The following TP63 variants were observed in gnomAD, a reference collection of about 807,000 sequenced individuals.
The protein encoded by TP63 is tumor protein p63.
Under a neutral mutation model 82.8 loss-of-function variants are expected in TP63, and 17 were observed. The ratio of observed to expected loss-of-function variants is 0.21; its 90% CI spans 0.14 to 0.31. The LOEUF is 0.31. Ranked by LOEUF, TP63 falls within the 10% of genes least tolerant of loss-of-function variation. TP63 has a pLI of 1.00. For synonymous variants in TP63, 330 were observed against 321.7 expected, an observed-to-expected ratio of 1.03 and a Z score of -0.28; for missense variants, 648 against 895.3, an observed-to-expected ratio of 0.72 and a Z score of 3.52.
intron 3 of TP63, among the ~76,000 whole-genome samples, chr3:189,749,990 G>C (rs62279907): frequency 6.6e-6 from 1 of 151,852 alleles, no homozygotes; most frequent in Non-Finnish European, 1.5e-5. Context: ...CAGGCATGGC[G>C]GCAGGCGCCT....
upstream of TP63, among the ~76,000 whole-genome samples, chr3:189,628,689 C>T (rs1729371214): frequency 6.6e-6 from 1 of 152,102 alleles, no homozygotes; most frequent in Non-Finnish European, 1.5e-5. Context: ...GGAAAAGTTT[C>T]CACCTTGCAC....
chr3:189,757,682 G>C (rs1157290174), intron 3 of TP63, among the ~76,000 whole-genome samples: 1 of 152,152 alleles, frequency 6.6e-6, no homozygotes, highest in African/African-American at 2.4e-5. Flanking sequence ...ATACACTAGT[G>C]TTATTGTAGG....
chr3:189,736,161 C>T (rs6804881), intron 1 of TP63, among the ~76,000 whole-genome samples: 6,619 of 147,314 alleles, frequency 0.045, 448 homozygotes, highest in East Asian at 0.15. Flanking sequence ...ATAAATATAT[C>T]TATATTATTT....
chr3:189,701,126 C>T (rs1293048497), intron 1 of TP63, among the ~76,000 whole-genome samples: 2 of 152,084 alleles, frequency 1.3e-5, no homozygotes, highest in Admixed American at 1.3e-4. Context: ...TGTGATGCCT[C>T]CCCAGCCACA....
At chr3:189,866,196 T>TCTCG (rs1324836754) in intron 5 of TP63, among the ~76,000 whole-genome samples, 1 of 152,222 alleles carries the variant, frequency 6.6e-6, no homozygotes, top group Non-Finnish European at 1.5e-5. Context: ...ACACAATGTT[T>TCTCG]AAAAGTTGAG....
chr3:189,653,425 A>G (rs900940787), intron 1 of TP63, among the ~76,000 whole-genome samples: 1 of 152,240 alleles, frequency 6.6e-6, no homozygotes, highest in Non-Finnish European at 1.5e-5. Flanking sequence ...TGACTTTGTC[A>G]ATCAGATCCA....
At position 189,894,746 on chromosome 3, in the gene TP63, A is replaced by T; in HGVS notation, c.*244A>T. 3.7e-6 allele frequency: 2 copies of T among 534,068 alleles called. No individual in the cohort carries two copies. The allele number at this position is 534,068 out of a possible 1,614,324, so 33.1% of individuals were successfully genotyped here. On this transcript the variant is annotated 3_prime_UTR_variant, in exon 14 of 14. Transcript: ENST00000264731. ...TAGCTGCCATGGCTAGGTAGAAGTG[A>T]GCAAAAAAGAGTTGGGTGTCTCCTT...
At chr3:189,875,611 T>TATATATATATATAAAC (rs1553859673) in intron 10 of TP63, among the ~76,000 whole-genome samples, 1 of 77,040 alleles carries the variant, frequency 1.3e-5, no homozygotes, top group Non-Finnish European at 2.8e-5. Context: ...TATATATATA[T>TATATATATATATAAAC]ATATATATAT....
intron 4 of TP63, among the ~76,000 whole-genome samples, chr3:189,815,288 C>A (rs1728058471): frequency 6.6e-6 from 1 of 151,992 alleles, no homozygotes; most frequent in African/African-American, 2.4e-5. Context: ...TTATCACAAC[C>A]TTTTCATGTA....
chr3:189,819,588 T>A (rs1728575221), intron 4 of TP63, among the ~76,000 whole-genome samples: 1 of 152,174 alleles, frequency 6.6e-6, no homozygotes, highest in African/African-American at 2.4e-5. Flanking sequence ...TTTGTTACCT[T>A]TAAGTTTAGC....
the TP63 span, among the ~76,000 whole-genome samples, chr3:189,619,284 G>T: frequency 1.3e-5 from 2 of 152,150 alleles, no homozygotes; most frequent in African/African-American, 4.8e-5. Flanking sequence ...ATGCCTCTGC[G>T]ATGTCTTTCA....
At chr3:189,668,722 G>A (rs902366148) in intron 1 of TP63, among the ~76,000 whole-genome samples, 5 of 152,008 alleles carry the variant, frequency 3.3e-5, no homozygotes, top group African/African-American at 1.2e-4. Flanking sequence ...ATTTAAAGAA[G>A]TAATAGCTGG....
At chr3:189,723,843 A>T (rs1047271959) in intron 1 of TP63, among the ~76,000 whole-genome samples, 1 of 152,182 alleles carries the variant, frequency 6.6e-6, no homozygotes, top group Non-Finnish European at 1.5e-5. Context: ...TTCTTTTTGT[A>T]TTGGAAGATA....
chr3:189,702,303 A>G (rs992263691), intron 1 of TP63, among the ~76,000 whole-genome samples: 1 of 152,236 alleles, frequency 6.6e-6, no homozygotes, highest in African/African-American at 2.4e-5. Context: ...CCAAAGGTTC[A>G]TTTGAAACTA....
intron 3 of TP63, among the ~76,000 whole-genome samples, chr3:189,777,577 G>A (rs544591714): frequency 2.0e-5 from 3 of 151,174 alleles, no homozygotes; most frequent in East Asian, 1.9e-4. Context: ...CCTAAATGTC[G>A]ATTTCCTCTT....
At chr3:189,700,941 G>A (rs560681765) in intron 1 of TP63, among the ~76,000 whole-genome samples, 13 of 152,276 alleles carry the variant, frequency 8.5e-5, no homozygotes, top group Middle Eastern at 6.8e-3. Flanking sequence ...TAAAGTAAAT[G>A]TATTACAAAA....
At chr3:189,812,954 T>C (rs1727735697) in intron 4 of TP63, among the ~76,000 whole-genome samples, 1 of 152,172 alleles carries the variant, frequency 6.6e-6, no homozygotes, top group African/African-American at 2.4e-5. Context: ...TATCCAAATA[T>C]ATGAATAGAT....
At chr3:189,790,497 C>T (rs1197854903) in intron 3 of TP63, among the ~76,000 whole-genome samples, 2 of 151,864 alleles carry the variant, frequency 1.3e-5, no homozygotes, top group East Asian at 3.9e-4. Context: ...TTATAGCATA[C>T]AGGATTTTAT....
intron 1 of TP63, among the ~76,000 whole-genome samples, chr3:189,681,226 C>A (rs899848164): frequency 6.6e-6 from 1 of 151,998 alleles, no homozygotes; most frequent in African/African-American, 2.4e-5. Context: ...TTCTGTGCTC[C>A]TATAATCTTT....
Sources: gnomAD v4.1 joint callset for allele counts (sites outside exome capture counted in the v4.1 genomes callset) on GRCh38, gnomAD v4.1.1 for gene constraint, MANE v1.5 for transcripts, NCBI Gene and HGNC (gene_info 2026-07-23, HGNC 2026-07-21) for gene names.